TNFRSF1A: variants seen among roughly 807,000 people sequenced by gnomAD.
TNFRSF1A encodes the protein TNF receptor superfamily member 1A, also known as tumor necrosis factor receptor superfamily member 1A.
A neutral mutation model predicts 41.6 loss-of-function variants in TNFRSF1A; 9 were observed. That is an observed-to-expected ratio of 0.22 (90% CI 0.13 to 0.38). TNFRSF1A has a LOEUF of 0.38. Ranked by LOEUF, TNFRSF1A falls within the 10% of genes least tolerant of loss-of-function variation. The pLI is 1.00. For synonymous variants in TNFRSF1A, 254 were observed against 248.6 expected (o/e 1.02, Z -0.21); for missense variants, 463 against 591.5 (o/e 0.78, Z 2.25).
chr12:6,330,041 T>G lies in TNFRSF1A; in HGVS notation c.794A>C (p.Lys265Thr). 6.2e-7 allele frequency: 1 copy of G among 1,612,886 alleles called. No individual in the cohort carries two copies. ...KEGELEGTTT[K>T]PLAPNPSFSP... Reference sequence around the variant, plus strand: ...GAAGCTTGGGTTTGGGGCCAGGGGCTTAGTAGTAGTTCCTTCAAGCTCCCC... The same window carrying G: ...GAAGCTTGGGTTTGGGGCCAGGGGCGTAGTAGTAGTTCCTTCAAGCTCCCC... Residue 265 changes from lysine (K) to threonine (T), a missense_variant, in exon 9 of 10, where the codon AAG (lysine) becomes ACG (threonine). By Grantham distance (78) the Lys-to-Thr change is moderately conservative (BLOSUM62 -1). Transcript: ENST00000162749.
chr12:6,330,018 A>T lies in TNFRSF1A; in HGVS notation c.817T>A (p.Phe273Ile). The T allele has an allele frequency of 6.2e-7, 1 of 1,610,858 alleles. No individual in the cohort carries two copies. Among genetic ancestry groups the T allele is most frequent in the Non-Finnish European group, 8.5e-7 (1 of 1,178,574 alleles). ...GGGGTGAAGCCTGGAGTGGGACTGAAGCTTGGGTTTGGGGCCAGGGGCTTA... is the reference window on the plus strand; with the variant it reads ...GGGGTGAAGCCTGGAGTGGGACTGATGCTTGGGTTTGGGGCCAGGGGCTTA... ...TTKPLAPNPS[F>I]SPTPGFTPTL... The change falls in exon 9 of 10, where the codon TTC becomes ATC. Residue 273 changes from phenylalanine (F) to isoleucine (I), a missense_variant. Around this residue, in one of 4 missense-constraint regions of TNFRSF1A, gnomAD observed 277 missense variants for 288.8 expected, o/e 0.96. Transcript: ENST00000162749.
In TNFRSF1A at chr12:6,334,321, T is replaced by G; in HGVS notation, c.40-77A>C. The G allele has an allele frequency of 7.4e-7, 1 of 1,355,302 alleles. No homozygotes were observed. Among genetic ancestry groups the G allele is most frequent in the South Asian group, 1.3e-5 (1 of 79,208 alleles). The allele number at this position is 1,355,302 out of a possible 1,614,324, so 84.0% of individuals were successfully genotyped here. On this transcript the variant is annotated intron_variant, in intron 1 of 9. Coordinates refer to ENST00000162749, the MANE Select transcript of TNFRSF1A (RefSeq NM_001065.4). The surrounding 1 kb of genome is among the most constrained non-coding windows in gnomAD (Gnocchi z 5.1). The stretch of plus-strand genomic sequence containing the variant: ...AGCTTAGGGGTAGCAGATCTAAAAC[T>G]TCCCTGGCTCAAGTCCTTCCTCAGT...
Position 6,334,308 on chromosome 12 carries a change from G to A in TNFRSF1A, c.40-64C>T, listed in dbSNP as rs866383205. On this transcript the variant is annotated intron_variant, in intron 1 of 9. Coordinates refer to ENST00000162749, the MANE Select transcript of TNFRSF1A (RefSeq NM_001065.4). The surrounding 1 kb of genome is among the most constrained non-coding windows in gnomAD (Gnocchi z 5.1). ...GGGAGGGATGGGAAGCTTAGGGGTA[G>A]CAGATCTAAAACTTCCCTGGCTCAA... is the stretch of plus-strand genomic sequence containing the variant. 2.6e-6 allele frequency: 4 copies of A among 1,511,478 alleles called. No homozygotes were observed. Among genetic ancestry groups the A allele is most frequent in the Middle Eastern group, 2.3e-4 (1 of 4,276 alleles). 93.6% of individuals were successfully genotyped at this position (1,511,478 alleles called of 1,614,324 possible).
intron 1 of TNFRSF1A, among the ~76,000 whole-genome samples, chr12:6,336,767 A>G (rs1467832252): frequency 6.6e-6 from 1 of 152,096 alleles, no homozygotes; most frequent in African/African-American, 2.4e-5. Context: ...CAAGTCTCCA[A>G]CAGCTAAACC....
In TNFRSF1A at chr12:6,334,165, C is replaced by G; in HGVS notation, c.119G>C (p.Arg40Thr). Residue 40 changes from arginine (R) to threonine (T), a missense_variant, in exon 2 of 10, where the codon AGA becomes ACA. This residue lies in a region of TNFRSF1A where 37 missense variants were observed against 46.5 expected (regional missense o/e 0.80). Transcript: ENST00000162749. The surrounding 1 kb of genome is among the most constrained non-coding windows in gnomAD (Gnocchi z 5.1). ...LVPHLGDREK[R>T]DSVCPQGKYI... ...TTTTCCTTGGGGACACACACTATCT[C>G]TCTTCTCCCTGTCCCCTAGGTGAGG... is the stretch of plus-strand genomic sequence containing the variant. The G allele has an allele frequency of 6.2e-7, 1 of 1,614,172 alleles. No homozygotes were observed. Among genetic ancestry groups the G allele is most frequent in the South Asian group, 1.1e-5 (1 of 91,084 alleles).
At chr12:6,335,276 C>A (rs759311083) in intron 1 of TNFRSF1A, among the ~76,000 whole-genome samples, 8 of 152,104 alleles carry the variant, frequency 5.3e-5, no homozygotes, top group Non-Finnish European at 1.0e-4. Context: ...GGTTGGGGAT[C>A]CTGCATGGGT....
At position 6,330,756 on chromosome 12, in the gene TNFRSF1A, G is replaced by C. The variant is rs372857011; in HGVS notation, c.626-45C>G. The C allele has an allele frequency of 3.2e-5, 50 of 1,579,656 alleles. No individual in the cohort carries two copies. The African/African-American group carries it at 6.5e-4, about 20-fold the overall frequency. ...TGGTCAGAGGAGCGGGCAGAGGGGG[G>C]CCGCAGGGATAGATGGATGGGTGGG... On this transcript the variant is annotated intron_variant, in intron 6 of 9. Coordinates refer to ENST00000162749, the MANE Select transcript of TNFRSF1A (RefSeq NM_001065.4).
intron 1 of TNFRSF1A, among the ~76,000 whole-genome samples, chr12:6,335,369 G>A (rs917311163): frequency 8.5e-5 from 13 of 152,152 alleles, no homozygotes; most frequent in African/African-American, 3.1e-4. Flanking sequence ...CAAGGCTAGC[G>A]ACCCAGCTTG....
chr12:6,338,028 A>G (rs537554952), intron 1 of TNFRSF1A, among the ~76,000 whole-genome samples: 2 of 152,134 alleles, frequency 1.3e-5, no homozygotes, highest in African/African-American at 4.8e-5. Flanking sequence ...AAGCACACAC[A>G]CCCTTACTTA....
In TNFRSF1A at chr12:6,341,135, C is replaced by T. The variant is rs1461474985; in HGVS notation, c.39+641G>A. 1.3e-5 allele frequency among the ~76,000 whole-genome samples: 2 copies of T among 152,132 alleles called. No individual in the cohort carries two copies. On this transcript the variant is annotated intron_variant, in intron 1 of 9. Transcript: ENST00000162749. This position sits in a 1 kb window ranked among gnomAD's most constrained non-coding sequence, Gnocchi z 4.6. ...CCCAGGTGAGAGGCCGGGGCTTGGC[C>T]AGGGCACTGGGGACACTGTCCACTG...
chr12:6,338,694 T>C lies in TNFRSF1A; in HGVS notation c.39+3082A>G, dbSNP rs369234464. On this transcript the variant is annotated intron_variant, in intron 1 of 9. Transcript: ENST00000162749. Reference sequence around the variant, plus strand: ...ACCAGGACGGAATGTAGTGGTGTGGTCAGGGCTCACTACAACCTCCACCTC... The same window carrying C: ...ACCAGGACGGAATGTAGTGGTGTGGCCAGGGCTCACTACAACCTCCACCTC... Among the ~76,000 whole-genome samples the C allele has an allele frequency of 7.2e-5, 11 of 151,758 alleles. No homozygotes were observed. In the East Asian group the frequency reaches 1.2e-3, roughly 16 times the overall value.
At chr12:6,332,752 A>T (rs571368282) in intron 5 of TNFRSF1A, among the ~76,000 whole-genome samples, 2 of 152,320 alleles carry the variant, frequency 1.3e-5, no homozygotes, top group South Asian at 4.1e-4. Context: ...CACCAGTTAT[A>T]GGAGGTTTGA....
At position 6,333,151 on chromosome 12, in the gene TNFRSF1A, T is replaced by C. The variant is rs2136821321; in HGVS notation, c.473-4A>G. ...ACGGTGTTCTGTTTCTCCTGGCCTG[T>C]AGGGAGAAGTGCGGCACAGCTAAAG... On this transcript the variant is annotated splice_polypyrimidine_tract_variant and splice_region_variant and intron_variant, in intron 4 of 9. Coordinates refer to ENST00000162749, the MANE Select transcript of TNFRSF1A (RefSeq NM_001065.4). The surrounding 1 kb of genome is among the most constrained non-coding windows in gnomAD (Gnocchi z 6.3). The C allele has an allele frequency of 1.2e-6, 2 of 1,613,868 alleles. No individual in the cohort carries two copies. The highest frequency in any genetic ancestry group is 1.3e-5 in the African/African-American group (1 of 75,004).
Position 6,341,871 on chromosome 12 carries a change from G to T in TNFRSF1A, c.-57C>A. On this transcript the variant is annotated 5_prime_UTR_variant, in exon 1 of 10. Coordinates refer to ENST00000162749, the MANE Select transcript of TNFRSF1A (RefSeq NM_001065.4). The surrounding 1 kb of genome is among the most constrained non-coding windows in gnomAD (Gnocchi z 4.6). ...TTGGGCTCAGGGCAGTGTGGCAGCGGCAGTGCTGGGGCTTCCCGGGACTCG... is the reference window on the plus strand; with the variant it reads ...TTGGGCTCAGGGCAGTGTGGCAGCGTCAGTGCTGGGGCTTCCCGGGACTCG... 1 of 1,601,034 alleles carries T rather than the reference G, an allele frequency of 6.2e-7. No homozygotes were observed.
chr12:6,329,337 G>C lies in TNFRSF1A; in HGVS notation c.1343C>G (p.Pro448Arg). 2.0e-6 allele frequency: 3 copies of C among 1,475,602 alleles called. No homozygotes were observed. Among genetic ancestry groups the C allele is most frequent in the Non-Finnish European group, 2.7e-6 (3 of 1,122,714 alleles). The allele number at this position is 1,475,602 out of a possible 1,614,324, so 91.4% of individuals were successfully genotyped here. Residue 448 changes from proline (P) to arginine (R), a missense_variant, in exon 10 of 10, where the codon CCG (proline) becomes CGG (arginine). Coordinates refer to ENST00000162749, the MANE Select transcript of TNFRSF1A (RefSeq NM_001065.4). ...EEALCGPAAL[P>R]PAPSLLR Reference sequence around the variant, plus strand: ...TCATCTGAGAAGACTGGGCGCGGGCGGGAGGGCGGCGGGGCCGCAAAGCGC... The same window carrying C: ...TCATCTGAGAAGACTGGGCGCGGGCCGGAGGGCGGCGGGGCCGCAAAGCGC...
chr12:6,339,717 A>C (rs1266986607), intron 1 of TNFRSF1A, among the ~76,000 whole-genome samples: 1 of 152,102 alleles, frequency 6.6e-6, no homozygotes, highest in Admixed American at 6.5e-5. Flanking sequence ...ACTGTAAGCC[A>C]TCTTGGTTAC....
intron 1 of TNFRSF1A, among the ~76,000 whole-genome samples, chr12:6,339,841 T>TCACA (rs57599695): frequency 0.018 from 2,032 of 113,664 alleles, 43 homozygotes; most frequent in African/African-American, 0.057. Context: ...TCTCTCTCTC[T>TCACA]CACACACACA....
At chr12:6,338,802 G>C (rs944481839) in intron 1 of TNFRSF1A, among the ~76,000 whole-genome samples, 6 of 152,014 alleles carry the variant, frequency 3.9e-5, no homozygotes, top group African/African-American at 1.4e-4. Flanking sequence ...GCTAATCTTT[G>C]TATTTTTTGT....
rs45563431 is a variant in TNFRSF1A, at chr12:6,329,060, T to C, written c.*252A>G. The C allele has an allele frequency of 7.3e-4, 300 of 408,196 alleles. 2 individuals are homozygous for C. Among genetic ancestry groups the C allele is most frequent in the East Asian group, 4.8e-3 (133 of 27,812 alleles). 25.3% of individuals were successfully genotyped at this position (408,196 alleles called of 1,614,324 possible). On this transcript the variant is annotated 3_prime_UTR_variant, in exon 10 of 10. Transcript: ENST00000162749. ...GGACACCCAAAACGGGCATGAGGCA[T>C]AGCGTCCCTCATCCTCGCAAACCAC... is the stretch of plus-strand genomic sequence containing the variant.
Sources: gnomAD v4.1 joint callset for allele counts (sites outside exome capture counted in the v4.1 genomes callset) on GRCh38, gnomAD v4.1.1 for gene constraint, gnomAD v4.1.1 regional missense constraint, Gnocchi (gnomAD v3.1) non-coding constraint, MANE v1.5 for transcripts, NCBI Gene and HGNC (gene_info 2026-07-23, HGNC 2026-07-21) for gene names.